Variants in STRBP observed in about 807,000 individuals in gnomAD.
STRBP encodes the protein spermatid perinuclear RNA binding protein.
STRBP carries 13 observed loss-of-function variants against 80.1 expected under a neutral mutation model. The ratio of observed to expected loss-of-function variants is 0.16; its 90% CI spans 0.11 to 0.26. STRBP has a LOEUF of 0.26. Ranked by LOEUF, STRBP falls within the 10% of genes least tolerant of loss-of-function variation. The pLI, the probability that STRBP is intolerant of heterozygous loss-of-function variation, is 1.00. For synonymous variants in STRBP, 284 were observed against 291.2 expected (o/e 0.98, Z 0.25); for missense variants, 485 against 815.2 (o/e 0.59, Z 4.93).
At chr9:123,160,241 G>T in intron 8 of STRBP, 126 bp downstream of exon 8, 1 of 531,060 alleles carries the variant, frequency 1.9e-6, no homozygotes, top group Non-Finnish European at 3.1e-6. Flanking sequence ...TTTTTTCATG[G>T]CAAACATACA....
Position 123,123,269 on chromosome 9 carries a change from G to C in STRBP, c.*2328C>G. ...ACTTCATGTTAATCTCAGGCAATTT[G>C]GTGAAGCCAAGAGCTTCATTTATAT... On this transcript the variant is annotated 3_prime_UTR_variant, in exon 19 of 19. Transcript: ENST00000348403. The C allele has an allele frequency of 4.1e-6, 4 of 985,394 alleles. No homozygotes were observed. The highest frequency in any genetic ancestry group is 4.8e-6 in the Non-Finnish European group (4 of 829,928). 61.0% of individuals were successfully genotyped at this position (985,394 alleles called of 1,614,324 possible).
chr9:123,216,176 C>A (rs1164301026), intron 2 of STRBP, among the ~76,000 whole-genome samples: 1 of 152,188 alleles, frequency 6.6e-6, no homozygotes, highest in Admixed American at 6.5e-5. Flanking sequence ...CTTCCTAATC[C>A]TTTGCCTGGC....
intron 18 of STRBP, among the ~76,000 whole-genome samples, chr9:123,127,969 A>C (rs764221949): frequency 6.6e-6 from 1 of 152,226 alleles, no homozygotes; most frequent in Non-Finnish European, 1.5e-5. Context: ...ATTTAATTTC[A>C]ATATGGTCAG....
Position 123,146,911 on chromosome 9 carries a change from T to C in STRBP, c.1282A>G (p.Thr428Ala). ...TTGGATGGTCCTGAGGCTTCATATG[T>C]TGTGCCATCCACATCTACAGACATT... is the stretch of plus-strand genomic sequence containing the variant. The part of the protein sequence containing the change: ...FTMSVDVDGT[T>A]YEASGPSKKT... The change falls in exon 13 of 19, where the codon ACA (threonine) becomes GCA (alanine). Residue 428 changes from threonine (T) to alanine (A), a missense_variant. This residue lies in a region of STRBP where 377 missense variants were observed against 616.1 expected (regional missense o/e 0.61). Transcript: ENST00000348403. 2.9e-5 allele frequency: 47 copies of C among 1,614,094 alleles called. No homozygotes were observed. Among genetic ancestry groups the C allele is most frequent in the Non-Finnish European group, 3.8e-5 (45 of 1,179,978 alleles).
chr9:123,158,465 C>G, intron 9 of STRBP, 36 bp from the exon 10 acceptor site: 1 of 1,586,718 alleles, frequency 6.3e-7, no homozygotes, highest in Non-Finnish European at 8.6e-7. Flanking sequence ...TCATTTAGAA[C>G]TGAGTTTAGA....
intron 1 of STRBP, among the ~76,000 whole-genome samples, chr9:123,253,864 G>A (rs957841917): frequency 6.6e-6 from 1 of 152,166 alleles, no homozygotes; most frequent in African/African-American, 2.4e-5. Flanking sequence ...TCACAGCAAA[G>A]ATTTTTATTC....
Position 123,160,360 on chromosome 9 carries a change from T to A in STRBP, c.723+7A>T, listed in dbSNP as rs1344028833. On this transcript the variant is annotated splice_region_variant and intron_variant, in intron 8 of 18. Coordinates refer to ENST00000348403, the MANE Select transcript of STRBP (RefSeq NM_018387.5). ...AAATTTGCTTTTAGCCATATTTAAG[T>A]ACTTACCCATCCTTTCAATGGTGCC... 6.3e-7 allele frequency: 1 copy of A among 1,577,842 alleles called. No homozygotes were observed. The highest frequency in any genetic ancestry group is 8.7e-7 in the Non-Finnish European group (1 of 1,155,204).
chr9:123,209,644 G>T (rs2039640276), intron 2 of STRBP, among the ~76,000 whole-genome samples: 1 of 152,178 alleles, frequency 6.6e-6, no homozygotes, highest in Non-Finnish European at 1.5e-5. Flanking sequence ...GTGTGCACAT[G>T]TGTGCTGATG....
intron 3 of STRBP, chr9:123,112,860 A>AGGGGCAG (rs781696604): frequency 3.9e-5 from 2 of 50,986 alleles, no homozygotes; most frequent in African/African-American, 3.5e-5. Flanking sequence ...TTCTGAAGCA[A>AGGGGCAG]GGGGCAGTCA....
intron 4 of STRBP, among the ~76,000 whole-genome samples, chr9:123,176,770 A>G (rs1431559310): frequency 6.6e-6 from 1 of 152,214 alleles, no homozygotes; most frequent in Non-Finnish European, 1.5e-5. Context: ...CTGAATTTCA[A>G]TTTAAAAATT....
At chr9:123,159,236 C>A (rs2037418989) in intron 8 of STRBP, 29 bp from the exon 9 acceptor site, 4 of 1,487,694 alleles carry the variant, frequency 2.7e-6, no homozygotes, top group Non-Finnish European at 1.9e-6. Flanking sequence ...CAAATTAGTA[C>A]ATGCACCAAG....
chr9:123,201,518 G>A (rs2039325387), intron 2 of STRBP, among the ~76,000 whole-genome samples: 1 of 152,116 alleles, frequency 6.6e-6, no homozygotes, highest in Non-Finnish European at 1.5e-5. Flanking sequence ...GTACAGTTTT[G>A]AGAGTTCCTT....
chr9:123,154,713 T>C (rs1448263449), intron 11 of STRBP, among the ~76,000 whole-genome samples: 1 of 152,182 alleles, frequency 6.6e-6, no homozygotes, highest in East Asian at 1.9e-4. Flanking sequence ...AACCAGTGAA[T>C]GTAGTAACGT....
chr9:123,177,404 C>T (rs1053196346), intron 4 of STRBP, among the ~76,000 whole-genome samples: 4 of 151,892 alleles, frequency 2.6e-5, no homozygotes, highest in African/African-American at 7.3e-5. Context: ...TCTCTCCAAA[C>T]GAAATTCTTT....
intron 2 of STRBP, among the ~76,000 whole-genome samples, chr9:123,188,571 G>A (rs1248247355): frequency 6.6e-6 from 1 of 152,180 alleles, no homozygotes; most frequent in Non-Finnish European, 1.5e-5. Flanking sequence ...GAACCCAGGA[G>A]GCGAAGCTTG....
chr9:123,133,122 A>C (rs2036210492), intron 16 of STRBP, among the ~76,000 whole-genome samples, 154 bp from the exon 17 acceptor site: 1 of 152,236 alleles, frequency 6.6e-6, no homozygotes, highest in Non-Finnish European at 1.5e-5. Context: ...TATCATCTGA[A>C]AAACAAAAAT....
intron 1 of STRBP, among the ~76,000 whole-genome samples, chr9:123,239,077 T>C (rs761412499): frequency 7.9e-5 from 12 of 152,146 alleles, no homozygotes; most frequent in Non-Finnish European, 1.6e-4. Flanking sequence ...AAACATCTTC[T>C]TAATATGGAA....
intron 4 of STRBP, 142 bp from the exon 5 acceptor site, chr9:123,173,984 C>G (rs1345252008): frequency 1.1e-6 from 1 of 903,740 alleles, no homozygotes; most frequent in Admixed American, 3.0e-5. Flanking sequence ...AAAATTAAGC[C>G]TCAGATTTGA....
chr9:123,160,523 G>C, intron 7 of STRBP, 61 bp from the exon 8 acceptor site: 1 of 1,314,296 alleles, frequency 7.6e-7, no homozygotes, highest in Non-Finnish European at 1.0e-6. Context: ...TTTTGGGCAA[G>C]TTCTTTCAAG....
Sources: allele counts gnomAD v4.1 joint callset (sites outside exome capture counted in the v4.1 genomes callset), GRCh38; gene constraint gnomAD v4.1.1; regional missense constraint gnomAD v4.1.1; transcripts MANE v1.5; gene names NCBI Gene and HGNC (gene_info 2026-07-23, HGNC 2026-07-21).